Variants in TUT4 observed in about 807,000 individuals in gnomAD.
TUT4 encodes the protein terminal uridylyl transferase 4.
Under a neutral mutation model 192.2 loss-of-function variants are expected in TUT4, and 36 were observed. The observed-to-expected ratio is 0.19, with a 90% CI of 0.14 to 0.25. The LOEUF (loss-of-function observed/expected upper bound fraction) is 0.25. Ranked by LOEUF, TUT4 falls within the 10% of genes least tolerant of loss-of-function variation. TUT4 has a pLI of 1.00. For synonymous variants in TUT4, 618 were observed against 666.0 expected (o/e 0.93, Z 1.11); for missense variants, 1,493 against 1,957.2 (o/e 0.76, Z 4.47).
At chr1:52,487,485 T>C (rs974880408) in intron 9 of TUT4, among the ~76,000 whole-genome samples, 3 of 152,088 alleles carry the variant, frequency 2.0e-5, no homozygotes, top group African/African-American at 2.4e-5. Context: ...ATACCTGGAA[T>C]TGGTTTACTC....
chr1:52,485,661 C>T (rs1457418224), intron 9 of TUT4, among the ~76,000 whole-genome samples: 1 of 149,476 alleles, frequency 6.7e-6, no homozygotes, highest in Non-Finnish European at 1.5e-5. Context: ...AGAACATGCC[C>T]TTTCAGCATC....
At chr1:52,463,365 T>C (rs1017696728) in intron 16 of TUT4, 3 of 997,092 alleles carry the variant, frequency 3.0e-6, no homozygotes, top group Non-Finnish European at 3.6e-6. Flanking sequence ...AATAAAATAC[T>C]TGCAACTTTT....
Position 52,509,637 on chromosome 1 carries a change from G to A in TUT4, c.958C>T (p.His320Tyr), listed in dbSNP as rs765629779. ...TGTCGTTTCTCCTTTATATGTTTATGAGCCCCCTGGATATTTTCAATGTGA... is the reference window on the plus strand; with the variant it reads ...TGTCGTTTCTCCTTTATATGTTTATAAGCCCCCTGGATATTTTCAATGTGA... ...LIHIENIQGA[H>Y]KHIKEKRHKK... Residue 320 changes from histidine (H) to tyrosine (Y), a missense_variant, in exon 4 of 30, where the codon CAT becomes TAT. Physicochemically the swap from His to Tyr is moderately conservative, Grantham distance 83. This residue lies in a region of TUT4 where 437 missense variants were observed against 577.6 expected (regional missense o/e 0.76). Transcript: ENST00000257177. The A allele has an allele frequency of 6.2e-7, 1 of 1,608,482 alleles. No homozygotes were observed. The highest frequency in any genetic ancestry group is 8.5e-7 in the Non-Finnish European group (1 of 1,175,628).
At chr1:52,545,327 A>T (rs1392290072) in intron 1 of TUT4, among the ~76,000 whole-genome samples, 1 of 150,632 alleles carries the variant, frequency 6.6e-6, no homozygotes, top group Non-Finnish European at 1.5e-5. Context: ...TGGTGAGCCA[A>T]GATTGCGCCA....
At chr1:52,552,720 T>A (rs1022701386) in intron 1 of TUT4, among the ~76,000 whole-genome samples, 4 of 151,898 alleles carry the variant, frequency 2.6e-5, no homozygotes, top group African/African-American at 7.3e-5. Flanking sequence ...CGTCCCCACC[T>A]CCCTTATCTC....
chr1:52,511,525 C>T (rs915595248), intron 3 of TUT4, among the ~76,000 whole-genome samples: 2 of 151,912 alleles, frequency 1.3e-5, no homozygotes, highest in African/African-American at 2.4e-5. Context: ...TGCCTGGGGT[C>T]GGGGGAGTTA....
At chr1:52,547,389 G>A (rs2149754287) in intron 1 of TUT4, among the ~76,000 whole-genome samples, 1 of 151,930 alleles carries the variant, frequency 6.6e-6, no homozygotes, top group Admixed American at 6.6e-5. Flanking sequence ...AGATGATAGT[G>A]AGGATGTAGA....
intron 1 of TUT4, among the ~76,000 whole-genome samples, chr1:52,531,257 C>A (rs924106865): frequency 7.3e-5 from 11 of 151,208 alleles, no homozygotes; most frequent in Non-Finnish European, 2.9e-5. Flanking sequence ...CCAGGGTCTC[C>A]CTGTGTCACC....
At chr1:52,496,980 A>G (rs1205594650) in intron 5 of TUT4, 26 bp downstream of exon 5, 5 of 1,604,096 alleles carry the variant, frequency 3.1e-6, no homozygotes, top group South Asian at 2.3e-5. Flanking sequence ...GTGATTTTCA[A>G]AATCAAATAT....
chr1:52,528,043 G>T (rs1024245019), intron 1 of TUT4, among the ~76,000 whole-genome samples: 2 of 151,706 alleles, frequency 1.3e-5, no homozygotes, highest in Non-Finnish European at 2.9e-5. Flanking sequence ...CGGGTACAGT[G>T]GTGGGCGCCT....
At chr1:52,440,012 C>T (rs1655028159) in intron 24 of TUT4, among the ~76,000 whole-genome samples, 1 of 152,064 alleles carries the variant, frequency 6.6e-6, no homozygotes, top group Admixed American at 6.6e-5. Context: ...ATGAAAGAAG[C>T]CAGTTTCAAA....
Position 52,509,735 on chromosome 1 carries a change from T to C in TUT4, c.883-23A>G, listed in dbSNP as rs762784715. ...TCGCTGAAGAGACAAATTTTAAAAA[T>C]GCACTTTATTCAGAAAACAGAGGAG... On this transcript the variant is annotated intron_variant, in intron 3 of 29. Transcript: ENST00000257177. 2.4e-5 allele frequency: 33 copies of C among 1,381,324 alleles called. No individual in the cohort carries two copies. In the South Asian group the frequency reaches 2.9e-4, roughly 12 times the overall value. The allele number at this position is 1,381,324 out of a possible 1,614,324, so 85.6% of individuals were successfully genotyped here.
At chr1:52,428,326 C>T (rs964657021) in intron 28 of TUT4, among the ~76,000 whole-genome samples, 5 of 151,746 alleles carry the variant, frequency 3.3e-5, no homozygotes, top group Non-Finnish European at 7.4e-5. Flanking sequence ...CCCATCTCTA[C>T]TAAAAATACA....
chr1:52,540,054 T>C (rs1686110987), intron 1 of TUT4, among the ~76,000 whole-genome samples: 1 of 147,684 alleles, frequency 6.8e-6, no homozygotes, highest in East Asian at 2.0e-4. Context: ...CTGTCTCTAC[T>C]AAAAATACAA....
intron 1 of TUT4, among the ~76,000 whole-genome samples, chr1:52,540,181 T>C (rs1686150701): frequency 6.8e-6 from 1 of 147,346 alleles, no homozygotes; most frequent in South Asian, 2.1e-4. Flanking sequence ...ATCATGCCAC[T>C]GCACTCCAGC....
chr1:52,452,216 T>C (rs1659640018), intron 20 of TUT4, among the ~76,000 whole-genome samples: 1 of 152,100 alleles, frequency 6.6e-6, no homozygotes, highest in South Asian at 2.1e-4. Context: ...CAACAAAATA[T>C]TAGCAAATCA....
chr1:52,551,709 C>A (rs1415197043), intron 1 of TUT4, among the ~76,000 whole-genome samples: 3 of 152,260 alleles, frequency 2.0e-5, no homozygotes, highest in Non-Finnish European at 2.9e-5. Flanking sequence ...TACACACACA[C>A]ACACAAAGTC....
At chr1:52,473,515 T>C (rs939907641) in intron 13 of TUT4, among the ~76,000 whole-genome samples, 1 of 152,200 alleles carries the variant, frequency 6.6e-6, no homozygotes, top group Non-Finnish European at 1.5e-5. Flanking sequence ...ATATATATAC[T>C]TAAGTTCAAA....
At chr1:52,472,241 ATGTTGT>A in intron 13 of TUT4, 139 bp from the exon 14 acceptor site, 1 of 870,292 alleles carries the variant, frequency 1.1e-6, no homozygotes, top group Non-Finnish European at 1.7e-6. Flanking sequence ...AAAAAAAAAC[ATGTTGT>A]TAAAATGCAG....
Sources: gnomAD v4.1 joint callset for allele counts (sites outside exome capture counted in the v4.1 genomes callset) on GRCh38, gnomAD v4.1.1 for gene constraint, gnomAD v4.1.1 regional missense constraint, MANE v1.5 for transcripts, NCBI Gene and HGNC (gene_info 2026-07-23, HGNC 2026-07-21) for gene names.